LRFN2: variants seen among roughly 807,000 people sequenced by gnomAD.
LRFN2 encodes leucine-rich repeat and fibronectin type-III domain-containing protein 2.
LRFN2 carries 18 observed loss-of-function variants against 37.3 expected under a neutral mutation model. The ratio of observed to expected loss-of-function variants is 0.48; its 90% CI spans 0.33 to 0.72. The LOEUF is 0.72. Among genes scored for constraint, LRFN2 ranks in the 30% least tolerant of loss-of-function variants. LRFN2 has a pLI of 0.02. For missense variants in LRFN2, 1,006 were observed against 1,060.7 expected, an observed-to-expected ratio of 0.95 and a Z score of 0.72; for synonymous variants, 556 against 466.6, an observed-to-expected ratio of 1.19 and a Z score of -2.47.
chr6:40,472,136 TC>T (rs1764613226), intron 1 of LRFN2, among the ~76,000 whole-genome samples: 1 of 152,174 alleles, frequency 6.6e-6, no homozygotes, highest in Non-Finnish European at 1.5e-5. Context: ...CTTGAATTCT[TC>T]CCCGGTCAAC....
chr6:40,441,941 G>A (rs1240476422), intron 1 of LRFN2, among the ~76,000 whole-genome samples: 2 of 152,188 alleles, frequency 1.3e-5, no homozygotes, highest in African/African-American at 2.4e-5. Context: ...GAGGGTGAAG[G>A]TGGAGAATGC....
intron 1 of LRFN2, among the ~76,000 whole-genome samples, chr6:40,475,501 G>A (rs546420840): frequency 6.6e-6 from 1 of 152,064 alleles, no homozygotes; most frequent in Non-Finnish European, 1.5e-5. Flanking sequence ...GTGCTCAAGG[G>A]GTGCACAGAC....
rs577807121 is a variant in LRFN2 at position 40,521,651 on chromosome 6, G to A, written c.-19+65290C>T. Among the ~76,000 whole-genome samples the A allele has an allele frequency of 9.8e-5, 15 of 152,352 alleles. No individual in the cohort carries two copies. In the East Asian group the frequency reaches 2.3e-3, roughly 24 times the overall value. On this transcript the variant is annotated intron_variant, in intron 1 of 2. Transcript: ENST00000338305. ...CCCTTGAGGGACTGTGTGGCAGGGA[G>A]GGGAGGAGGCAGGGAGGTGTCCAGA...
chr6:40,511,894 T>G lies in LRFN2; in HGVS notation c.-19+75047A>C, dbSNP rs144425412. 3.1e-4 allele frequency among the ~76,000 whole-genome samples: 47 copies of G among 152,254 alleles called. 1 individual carries two copies. The East Asian group carries it at 9.1e-3, about 29-fold the overall frequency. ...GGTGTAGGTTTCAATTAATTGTAAC[T>G]CTCTTCCTTGACCAAAGGATGCTCA... On this transcript the variant is annotated intron_variant, in intron 1 of 2. Transcript: ENST00000338305.
intron 1 of LRFN2, among the ~76,000 whole-genome samples, chr6:40,486,522 AGC>A (rs535449848): frequency 3.3e-4 from 50 of 152,206 alleles, no homozygotes; most frequent in Non-Finnish European, 6.3e-4. Flanking sequence ...AGGGCATCTC[AGC>A]GGACCTGTGC....
chr6:40,584,760 C>T (rs1410323514), intron 1 of LRFN2, among the ~76,000 whole-genome samples: 1 of 152,062 alleles, frequency 6.6e-6, no homozygotes, highest in Non-Finnish European at 1.5e-5. Context: ...AGAACCTGCT[C>T]AACCCCACAG....
rs148775673 is a variant in LRFN2 at position 40,473,166 on chromosome 6, T to C, written c.-18-40035A>G. On this transcript the variant is annotated intron_variant, in intron 1 of 2. Coordinates refer to ENST00000338305, the MANE Select transcript of LRFN2 (RefSeq NM_020737.3). ...CCAGCCAAACTCCAGGGCCCCACTC[T>C]ACTGGATGGCAGCCAGGAGGGGTGG... is the stretch of plus-strand genomic sequence containing the variant. Among the ~76,000 whole-genome samples the C allele has an allele frequency of 1.5e-3, 225 of 152,278 alleles. 2 individuals carry two copies. Among genetic ancestry groups the C allele is most frequent in the African/African-American group, 5.1e-3 (212 of 41,560 alleles).
At chr6:40,542,327 G>A (rs1182893042) in intron 1 of LRFN2, among the ~76,000 whole-genome samples, 1 of 152,104 alleles carries the variant, frequency 6.6e-6, no homozygotes, top group Non-Finnish European at 1.5e-5. Flanking sequence ...AGGTGGCGGT[G>A]GCAGCAGGGG....
chr6:40,422,628 C>T (rs1438478761), intron 2 of LRFN2, among the ~76,000 whole-genome samples: 11 of 152,142 alleles, frequency 7.2e-5, no homozygotes, highest in Non-Finnish European at 1.3e-4. Context: ...ACGCACACGC[C>T]TGGGAAAGTT....
At chr6:40,476,990 TCTC>T (rs1336216113) in intron 1 of LRFN2, among the ~76,000 whole-genome samples, 1 of 152,128 alleles carries the variant, frequency 6.6e-6, no homozygotes, top group Non-Finnish European at 1.5e-5. Context: ...CTTCCCACCT[TCTC>T]CTTTAATTAA....
chr6:40,585,184 G>A (rs1767479261), intron 1 of LRFN2, among the ~76,000 whole-genome samples: 1 of 152,190 alleles, frequency 6.6e-6, no homozygotes, highest in South Asian at 2.1e-4. Context: ...GAAATGCCAA[G>A]TTTGCTGTTT....
chr6:40,539,270 T>C (rs1766508222), intron 1 of LRFN2, among the ~76,000 whole-genome samples: 1 of 151,962 alleles, frequency 6.6e-6, no homozygotes, highest in Admixed American at 6.6e-5. Context: ...TTTTGGGGGG[T>C]CACTGACCCC....
intron 1 of LRFN2, among the ~76,000 whole-genome samples, chr6:40,522,894 G>C (rs1766126729): frequency 6.6e-6 from 1 of 152,218 alleles, no homozygotes; most frequent in African/African-American, 2.4e-5. Context: ...CAGAAACTGG[G>C]GCTGAGTGTA....
chr6:40,456,763 G>T (rs1172362710), intron 1 of LRFN2, among the ~76,000 whole-genome samples: 1 of 152,126 alleles, frequency 6.6e-6, no homozygotes, highest in African/African-American at 2.4e-5. Flanking sequence ...CAGACCTGAG[G>T]CTCACGACTC....
intron 1 of LRFN2, among the ~76,000 whole-genome samples, chr6:40,539,688 C>G (rs1201654369): frequency 6.6e-6 from 1 of 152,196 alleles, no homozygotes; most frequent in African/African-American, 2.4e-5. Context: ...ATTCGCAGCC[C>G]CCATGGCACT....
rs185214337 is a variant in LRFN2 at position 40,494,711 on chromosome 6, A to G, written c.-18-61580T>C. 1.2e-4 allele frequency among the ~76,000 whole-genome samples: 19 copies of G among 152,154 alleles called. No homozygotes were observed. In the East Asian group the frequency reaches 3.5e-3, roughly 28 times the overall value. On this transcript the variant is annotated intron_variant, in intron 1 of 2. Transcript: ENST00000338305. The stretch of plus-strand genomic sequence containing the variant: ...CACAATCTAGACCTCATCATCATCC[A>G]TAACACCTCACCTCTGAAAGCTTTA...
At chr6:40,462,789 C>T (rs1018495371) in intron 1 of LRFN2, among the ~76,000 whole-genome samples, 1 of 152,218 alleles carries the variant, frequency 6.6e-6, no homozygotes, top group South Asian at 2.1e-4. Context: ...GAAGCCAGGT[C>T]AGTCTGGCCA....
At chr6:40,586,359 C>A (rs1767503126) in intron 1 of LRFN2, among the ~76,000 whole-genome samples, 3 of 152,194 alleles carry the variant, frequency 2.0e-5, no homozygotes, top group Non-Finnish European at 4.4e-5. Flanking sequence ...CACACACAAT[C>A]CCCCTGATCT....
intron 1 of LRFN2, among the ~76,000 whole-genome samples, chr6:40,567,780 G>A (rs555048394): frequency 6.6e-6 from 1 of 152,316 alleles, no homozygotes; most frequent in South Asian, 2.1e-4. Flanking sequence ...CCTACCTTGA[G>A]GAGTTCTGAC....
Sources: allele counts gnomAD v4.1 joint callset (sites outside exome capture counted in the v4.1 genomes callset), GRCh38; gene constraint gnomAD v4.1.1; transcripts MANE v1.5; gene names NCBI Gene and HGNC (gene_info 2026-07-23, HGNC 2026-07-21).